Variants in CDK11B observed in about 807,000 individuals in gnomAD.
The protein encoded by CDK11B is cyclin dependent kinase 11B.
A neutral mutation model predicts 84.0 loss-of-function variants in CDK11B; 37 were observed. The ratio of observed to expected loss-of-function variants is 0.44; its 90% CI spans 0.34 to 0.58. CDK11B has a LOEUF of 0.58. CDK11B is among the 20% of genes least tolerant of loss of function. The pLI, the probability that CDK11B is intolerant of heterozygous loss-of-function variation, is 0.02. For synonymous variants in CDK11B, 269 were observed against 309.8 expected (o/e 0.87, Z 1.38); for missense variants, 427 against 834.0 (o/e 0.51, Z 6.01).
chr1:1,641,091 C>G lies in CDK11B; in HGVS notation c.1032G>C (p.Met344Ile). 2 of 1,596,460 alleles carry G rather than the reference C, an allele frequency of 1.3e-6. No individual in the cohort carries two copies. Among genetic ancestry groups the G allele is most frequent in the East Asian group, 2.2e-5 (1 of 44,712 alleles). ...CATTTTCTCGTTCTTCATCTTCACT[C>G]ATTTCTTCCTCACTTACTTCTTCTG... Reference protein sequence around the residue: ...QSAEEVSEEEMSEDEERENEN... With the variant: ...QSAEEVSEEEISEDEERENEN... The change falls in exon 10 of 20, where the codon ATG (methionine) becomes ATC (isoleucine). Residue 344 changes from methionine (M) to isoleucine (I), a missense_variant. By Grantham distance (10) the Met-to-Ile change is conservative. This residue lies in a region of CDK11B where 8 missense variants were observed against 41.3 expected (regional missense o/e 0.19). Transcript: ENST00000341832.
chr1:1,647,320 A>G (rs1191101080), intron 5 of CDK11B, among the ~76,000 whole-genome samples: 4 of 152,272 alleles, frequency 2.6e-5, no homozygotes, highest in African/African-American at 4.8e-5. Context: ...TAGATAATAC[A>G]TTTGTAGCAA....
At chr1:1,654,817 C>T (rs1359393081) in intron 3 of CDK11B, among the ~76,000 whole-genome samples, 1 of 151,964 alleles carries the variant, frequency 6.6e-6, no homozygotes, top group African/African-American at 2.4e-5. Context: ...TGCCACCACG[C>T]CCGGCTAATT....
intron 5 of CDK11B, among the ~76,000 whole-genome samples, chr1:1,648,941 C>T (rs911673378): frequency 6.6e-6 from 1 of 151,906 alleles, no homozygotes; most frequent in African/African-American, 2.4e-5. Flanking sequence ...GCCGGACATG[C>T]AGATTTCTGA....
Position 1,636,668 on chromosome 1 carries a change from A to C in CDK11B, c.1917+14T>G. ...CACAACCCCACAGCGCACCTGCAGC[A>C]GGGCCAGACCCACCTTGAACACCTT... On this transcript the variant is annotated intron_variant, in intron 17 of 19. Transcript: ENST00000341832. 1.2e-6 allele frequency: 2 copies of C among 1,613,856 alleles called. No individual in the cohort carries two copies. The highest frequency in any genetic ancestry group is 1.7e-6 in the Non-Finnish European group (2 of 1,179,764).
At chr1:1,655,702 T>C (rs1267472679) in intron 2 of CDK11B, among the ~76,000 whole-genome samples, 1 of 151,892 alleles carries the variant, frequency 6.6e-6, no homozygotes, top group Non-Finnish European at 1.5e-5. Flanking sequence ...GGCAGGCGGA[T>C]CACGAGGTCA....
Position 1,637,204 on chromosome 1 carries a change from T to G in CDK11B, c.1571-2A>C. 1.2e-6 allele frequency: 2 copies of G among 1,613,148 alleles called. No homozygotes were observed. Among genetic ancestry groups the G allele is most frequent in the South Asian group, 2.2e-5 (2 of 91,040 alleles). On this transcript the variant is annotated splice_acceptor_variant, in intron 14 of 19. Coordinates refer to ENST00000341832, the MANE Select transcript of CDK11B (RefSeq NM_033486.3). LOFTEE classifies it high-confidence loss of function. The stretch of plus-strand genomic sequence containing the variant: ...GGATCATCAGGGTCTTCACCTCCCC[T>G]GGGAGGGAGGGAAGCTCCCATGTGG...
Position 1,637,062 on chromosome 1 carries a change from C to G in CDK11B, c.1692+19G>C, listed in dbSNP as rs1639443259. On this transcript the variant is annotated intron_variant, in intron 15 of 19. Coordinates refer to ENST00000341832, the MANE Select transcript of CDK11B (RefSeq NM_033486.3). Reference sequence around the variant, plus strand: ...CCCGGCAGGTCTCCCTGGGATGGGCCACTCGGAGGGGGGCTCACCTTGAGG... The same window carrying G: ...CCCGGCAGGTCTCCCTGGGATGGGCGACTCGGAGGGGGGCTCACCTTGAGG... 3.1e-6 allele frequency: 5 copies of G among 1,613,396 alleles called. No homozygotes were observed. The highest frequency in any genetic ancestry group is 4.2e-6 in the Non-Finnish European group (5 of 1,179,834).
chr1:1,637,557 C>T, intron 13 of CDK11B, 44 bp from the exon 14 acceptor site: 4 of 1,609,030 alleles, frequency 2.5e-6, no homozygotes, highest in Non-Finnish European at 3.4e-6. Flanking sequence ...TCCAGGCCCC[C>T]ACCCACCCCT....
intron 13 of CDK11B, 70 bp downstream of exon 13, chr1:1,637,692 C>A (rs1488248562): frequency 1.1e-5 from 18 of 1,612,748 alleles, no homozygotes; most frequent in Non-Finnish European, 1.4e-5. Flanking sequence ...AGCACCCGGC[C>A]CCAGGACAGC....
intron 6 of CDK11B, among the ~76,000 whole-genome samples, chr1:1,643,557 C>A (rs1168012019): frequency 1.4e-5 from 2 of 147,960 alleles, no homozygotes; most frequent in Non-Finnish European, 2.9e-5. Context: ...AGGGAACTGT[C>A]TTAACCTTCA....
chr1:1,658,340 G>A (rs1359864006), intron 1 of CDK11B, among the ~76,000 whole-genome samples: 142 of 149,114 alleles, frequency 9.5e-4, no homozygotes, highest in African/African-American at 3.4e-3. Context: ...AAGAGTGATG[G>A]GTTCTGAAAA....
chr1:1,639,641 G>A lies in CDK11B; in HGVS notation c.1251+636C>T, dbSNP rs552527401. Among the ~76,000 whole-genome samples, 43 of 151,974 alleles carry A rather than the reference G, an allele frequency of 2.8e-4. No homozygotes were observed. The South Asian group carries it at 8.7e-3, about 31-fold the overall frequency. On this transcript the variant is annotated intron_variant, in intron 11 of 19. Transcript: ENST00000341832. Reference sequence around the variant, plus strand: ...CGCTCAGCAGCACTAAGGGGCAGAGGCGCTCACAAGGCATAGGGCAGTCGA... The same window carrying A: ...CGCTCAGCAGCACTAAGGGGCAGAGACGCTCACAAGGCATAGGGCAGTCGA...
chr1:1,649,578 C>G lies in CDK11B; in HGVS notation c.415G>C (p.Glu139Gln). 2 of 1,607,218 alleles carry G rather than the reference C, an allele frequency of 1.2e-6. No individual in the cohort carries two copies. The highest frequency in any genetic ancestry group is 2.2e-5 in the East Asian group (1 of 44,866). The change falls in exon 5 of 20, where the codon GAA becomes CAA. Residue 139 changes from glutamate to glutamine, a missense_variant. Glu to Gln is a conservative substitution (Grantham distance 29). Coordinates refer to ENST00000341832, the MANE Select transcript of CDK11B (RefSeq NM_033486.3). ...REHERRKRHR[E>Q]EQDKARREWE... ...TCCCGGCGAGCTTTATCCTGTTCTT[C>G]TCGATGCCGTTTCCGACGTTCGTGC...
In CDK11B at chr1:1,636,878, T is replaced by G; in HGVS notation, c.1800+19A>C. On this transcript the variant is annotated intron_variant, in intron 16 of 19. Coordinates refer to ENST00000341832, the MANE Select transcript of CDK11B (RefSeq NM_033486.3). ...GCTGCGTGGGGGACAGGGGAGGCAC[T>G]CAGACGCCCAGGACTCACCTTGGCA... 1 of 1,609,680 alleles carries G rather than the reference T, an allele frequency of 6.2e-7. No homozygotes were observed. Among genetic ancestry groups the G allele is most frequent in the Non-Finnish European group, 8.5e-7 (1 of 1,177,470 alleles).
At position 1,652,460 on chromosome 1, in the gene CDK11B, G is replaced by A. The variant is rs1642143872; in HGVS notation, c.334C>T (p.Arg112Cys). Residue 112 changes from arginine to cysteine, a missense_variant, in exon 4 of 20, where the codon CGT becomes TGT. Physicochemically the swap from Arg to Cys is radical, Grantham distance 180. Around this residue, in one of 12 missense-constraint regions of CDK11B, gnomAD observed 71 missense variants for 66.2 expected, o/e 1.07. Transcript: ENST00000341832. ...DEKRKEKRRH[R>C]SHSAEGGKHA... Reference sequence around the variant, plus strand: ...GTACCCCCTTCTGCTGAATGGCTACGATGCCTACGTTTCTCTTTTCTCTTT... The same window carrying A: ...GTACCCCCTTCTGCTGAATGGCTACAATGCCTACGTTTCTCTTTTCTCTTT... 1.0e-5 allele frequency: 15 copies of A among 1,502,816 alleles called. No homozygotes were observed. Among genetic ancestry groups the A allele is most frequent in the African/African-American group, 1.5e-5 (1 of 68,196 alleles). 93.1% of individuals were successfully genotyped at this position (1,502,816 alleles called of 1,614,324 possible).
chr1:1,655,906 C>T lies in CDK11B; in HGVS notation c.112-422G>A, dbSNP rs1253994076. Reference sequence around the variant, plus strand: ...CAGGGAAAACAAACAAACAAACAAACAAACTTTAATTCAAATCTTATCACA... The same window carrying T: ...CAGGGAAAACAAACAAACAAACAAATAAACTTTAATTCAAATCTTATCACA... On this transcript the variant is annotated intron_variant, in intron 2 of 19. Transcript: ENST00000341832. Among the ~76,000 whole-genome samples, 3 of 152,114 alleles carry T rather than the reference C, an allele frequency of 2.0e-5. No individual in the cohort carries two copies. In the South Asian group the frequency reaches 6.2e-4, roughly 32 times the overall value.
intron 14 of CDK11B, 91 bp from the exon 15 acceptor site, chr1:1,637,293 T>C: frequency 1.9e-6 from 3 of 1,573,362 alleles, no homozygotes; most frequent in Non-Finnish European, 2.6e-6. Flanking sequence ...AACAGAGGCT[T>C]CTCAGGGCTT....
Position 1,658,944 on chromosome 1 carries a change from G to A in CDK11B, c.-44C>T, listed in dbSNP as rs1456936065. ...CGCCGCCGCCGCTGCCGCCGCCGCC[G>A]CCGCCGGTCCCGGAGCCAGAGAAGA... On this transcript the variant is annotated 5_prime_UTR_variant, in exon 1 of 20. Coordinates refer to ENST00000341832, the MANE Select transcript of CDK11B (RefSeq NM_033486.3). 1.9e-5 allele frequency: 4 copies of A among 205,782 alleles called. No homozygotes were observed. The highest frequency in any genetic ancestry group is 5.9e-5 in the South Asian group (1 of 17,068). 12.7% of individuals were successfully genotyped at this position (205,782 alleles called of 1,614,324 possible).
intron 6 of CDK11B, among the ~76,000 whole-genome samples, chr1:1,643,626 G>T (rs1327478617): frequency 6.9e-6 from 1 of 145,972 alleles, no homozygotes; most frequent in African/African-American, 2.8e-5. Flanking sequence ...GCGTGAACAC[G>T]ACGGAAATAT....
Sources: gnomAD v4.1 joint callset for allele counts (sites outside exome capture counted in the v4.1 genomes callset) on GRCh38, gnomAD v4.1.1 for gene constraint, gnomAD v4.1.1 regional missense constraint, MANE v1.5 for transcripts, NCBI Gene and HGNC (gene_info 2026-07-23, HGNC 2026-07-21) for gene names.